GABRA1: variants seen among roughly 807,000 people sequenced by gnomAD.
The protein encoded by GABRA1 is gamma-aminobutyric acid receptor subunit alpha-1.
A neutral mutation model predicts 48.9 loss-of-function variants in GABRA1; 9 were observed. The observed-to-expected ratio is 0.18, with a 90% CI of 0.11 to 0.32. The LOEUF is 0.32. GABRA1 is among the 10% of genes least tolerant of loss of function. The pLI, the probability that GABRA1 is intolerant of heterozygous loss-of-function variation, is 1.00. For synonymous variants in GABRA1, 210 were observed against 198.7 expected (o/e 1.06, Z -0.48); for missense variants, 285 against 553.8 (o/e 0.51, Z 4.87).
intron 7 of GABRA1, among the ~76,000 whole-genome samples, chr5:161,890,235 T>G (rs543826505): frequency 6.6e-6 from 1 of 152,180 alleles, no homozygotes; most frequent in Admixed American, 6.5e-5. Context: ...ATCTGGTTAT[T>G]AATACAGATT....
chr5:161,857,840 G>A (rs1028850516), intron 3 of GABRA1, among the ~76,000 whole-genome samples: 3 of 151,476 alleles, frequency 2.0e-5, no homozygotes, highest in Non-Finnish European at 1.5e-5. Context: ...TTGGTGGCAA[G>A]GTGTGGGGGG....
rs1231156247 is a variant in GABRA1 at position 161,899,031 on chromosome 5, A to C, written c.*1609A>C. ...TTTTAGAGATAAATATTTATGCAGAAGGTATTTTTGAAGTCTCCTTTTGTC... is the reference window on the plus strand; with the variant it reads ...TTTTAGAGATAAATATTTATGCAGACGGTATTTTTGAAGTCTCCTTTTGTC... On this transcript the variant is annotated 3_prime_UTR_variant, in exon 10 of 10. Coordinates refer to ENST00000393943, the MANE Select transcript of GABRA1 (RefSeq NM_001127644.2). The C allele has an allele frequency of 2.0e-5, 3 of 152,558 alleles. No individual in the cohort carries two copies. The highest frequency in any genetic ancestry group is 2.9e-5 in the Non-Finnish European group (2 of 67,988). The allele number at this position is 152,558 out of a possible 1,614,324, so 9.5% of individuals were successfully genotyped here. A position where few individuals can be genotyped will look rare whatever the true frequency, so the allele number is the denominator to read the frequency against.
intron 3 of GABRA1, among the ~76,000 whole-genome samples, chr5:161,854,544 A>G (rs749758263): frequency 6.6e-6 from 1 of 151,760 alleles, no homozygotes; most frequent in Non-Finnish European, 1.5e-5. Flanking sequence ...CGATTTTATC[A>G]TATAGGTAAA....
chr5:161,857,614 G>C (rs1757701223), intron 3 of GABRA1, among the ~76,000 whole-genome samples: 1 of 151,556 alleles, frequency 6.6e-6, no homozygotes, highest in East Asian at 1.9e-4. Flanking sequence ...AAAGGTAGGA[G>C]AGCTACAAAG....
intron 3 of GABRA1, among the ~76,000 whole-genome samples, chr5:161,858,539 T>G (rs1757737103): frequency 6.6e-6 from 1 of 151,790 alleles, no homozygotes; most frequent in South Asian, 2.1e-4. Flanking sequence ...GCCACACTGA[T>G]GTACAGTTTA....
intron 3 of GABRA1, 124 bp downstream of exon 3, chr5:161,854,394 T>C: frequency 9.9e-6 from 7 of 705,678 alleles, no homozygotes; most frequent in Non-Finnish European, 1.8e-5. Context: ...GACAAATCTA[T>C]TTTTAATGGA....
intron 9 of GABRA1, among the ~76,000 whole-genome samples, chr5:161,896,853 A>G (rs1465703247): frequency 6.6e-6 from 1 of 152,214 alleles, no homozygotes; most frequent in East Asian, 1.9e-4. Flanking sequence ...CAAATGCATT[A>G]GATAAGAAAA....
chr5:161,880,178 AT>A (rs879772848), intron 6 of GABRA1, among the ~76,000 whole-genome samples: 2 of 151,958 alleles, frequency 1.3e-5, no homozygotes, highest in Non-Finnish European at 2.9e-5. Flanking sequence ...CAAGTCATTT[AT>A]TTTTTTCCCT....
chr5:161,896,972 G>T (rs1046704910), intron 9 of GABRA1, 139 bp from the exon 10 acceptor site: 6 of 721,406 alleles, frequency 8.3e-6, no homozygotes, highest in African/African-American at 7.1e-5. Flanking sequence ...ATTATAATAA[G>T]ACAGGCATAA....
At chr5:161,870,574 A>T (rs1195682513) in intron 4 of GABRA1, among the ~76,000 whole-genome samples, 2 of 151,736 alleles carry the variant, frequency 1.3e-5, no homozygotes, top group Non-Finnish European at 2.9e-5. Flanking sequence ...TTCAGAAAAA[A>T]AAAAAAAGGA....
intron 5 of GABRA1, among the ~76,000 whole-genome samples, chr5:161,874,435 T>C (rs888898382): frequency 6.9e-6 from 1 of 145,832 alleles, no homozygotes; most frequent in East Asian, 2.1e-4. Context: ...GTAATTGAAA[T>C]TTGAAATATT....
chr5:161,880,895 C>T (rs1301190986), intron 6 of GABRA1, among the ~76,000 whole-genome samples: 3 of 152,084 alleles, frequency 2.0e-5, no homozygotes, highest in Admixed American at 1.3e-4. Flanking sequence ...ACACAAAAGC[C>T]TGGTTATTTA....
At chr5:161,894,542 A>C (rs1324516554) in intron 8 of GABRA1, among the ~76,000 whole-genome samples, 1 of 152,190 alleles carries the variant, frequency 6.6e-6, no homozygotes, top group East Asian at 1.9e-4. Context: ...AGGTTAAATC[A>C]CTTAGCAGAG....
At chr5:161,894,703 A>G (rs1755279610) in intron 8 of GABRA1, among the ~76,000 whole-genome samples, 1 of 144,962 alleles carries the variant, frequency 6.9e-6, no homozygotes, top group Non-Finnish European at 1.5e-5. Context: ...TGACAGCATT[A>G]TACTTTTGTA....
intron 8 of GABRA1, among the ~76,000 whole-genome samples, chr5:161,893,008 A>ATG (rs1554087328): frequency 1.4e-5 from 1 of 72,434 alleles, no homozygotes; most frequent in Non-Finnish European, 2.5e-5. Context: ...CCTTCTCAAA[A>ATG]AAATAATAAT....
intron 3 of GABRA1, among the ~76,000 whole-genome samples, chr5:161,862,644 G>A (rs1323482655): frequency 6.6e-6 from 1 of 151,926 alleles, no homozygotes; most frequent in Non-Finnish European, 1.5e-5. Flanking sequence ...GTTTGCTACA[G>A]AGGAACAGAA....
intron 2 of GABRA1, among the ~76,000 whole-genome samples, chr5:161,853,136 C>G (rs77311212): frequency 0.074 from 11,259 of 151,756 alleles, 477 homozygotes; most frequent in South Asian, 0.12. Flanking sequence ...AGATAGAAAA[C>G]AATTCTCTCA....
rs1755465236 is a variant in GABRA1, at chr5:161,898,320, A to C, written c.*898A>C. On this transcript the variant is annotated 3_prime_UTR_variant, in exon 10 of 10. Transcript: ENST00000393943. ...TTTTAGAGGGGCAAAAATATTTTGC[A>C]AGCTCTGGAATTGTTGAATGTATTC... The C allele has an allele frequency of 6.6e-6, 1 of 152,628 alleles. No individual in the cohort carries two copies. Among genetic ancestry groups the C allele is most frequent in the African/African-American group, 2.4e-5 (1 of 41,470 alleles). The allele number at this position is 152,628 out of a possible 1,614,324, so 9.5% of individuals were successfully genotyped here. A position where few individuals can be genotyped will look rare whatever the true frequency, so the allele number is the denominator to read the frequency against.
chr5:161,891,696 A>C (rs1755097664), intron 8 of GABRA1, among the ~76,000 whole-genome samples: 1 of 152,182 alleles, frequency 6.6e-6, no homozygotes, highest in African/African-American at 2.4e-5. Flanking sequence ...GGTGCATTTG[A>C]TATAAAAAGG....
Sources: gnomAD v4.1 joint callset for allele counts (sites outside exome capture counted in the v4.1 genomes callset) on GRCh38, gnomAD v4.1.1 for gene constraint, MANE v1.5 for transcripts, NCBI Gene and HGNC (gene_info 2026-07-23, HGNC 2026-07-21) for gene names.